LASP1: variants seen among roughly 807,000 people sequenced by gnomAD.
LASP1 encodes the protein LIM and SH3 domain protein 1.
Under a neutral mutation model 38.6 loss-of-function variants are expected in LASP1, and 10 were observed. That is an observed-to-expected ratio of 0.26 (90% CI 0.16 to 0.44). The LOEUF is 0.44. Ranked by LOEUF, LASP1 falls within the 20% of genes least tolerant of loss-of-function variation. LASP1 has a pLI of 1.00. For synonymous variants in LASP1, 132 were observed against 140.8 expected (o/e 0.94, Z 0.44); for missense variants, 243 against 375.7 (o/e 0.65, Z 2.92).
intron 4 of LASP1, chr17:38,898,775 C>G (rs1438977742): frequency 1.8e-6 from 1 of 561,550 alleles, no homozygotes; most frequent in South Asian, 1.5e-5. Flanking sequence ...AAATCAGCCC[C>G]CACTCTCTCT....
intron 4 of LASP1, among the ~76,000 whole-genome samples, chr17:38,911,075 G>A (rs550685335): frequency 1.3e-5 from 2 of 152,274 alleles, no homozygotes; most frequent in Non-Finnish European, 2.9e-5. Context: ...ATCCTGGTCT[G>A]TTCTCTTCAG....
At position 38,915,138 on chromosome 17, in the gene LASP1, G is replaced by C. The variant is rs757228800; in HGVS notation, c.604G>C (p.Gly202Arg). Residue 202 changes from glycine to arginine, a missense_variant, in exon 6 of 7, where the codon GGT (glycine) becomes CGT (arginine). Physicochemically the swap from Gly to Arg is moderately radical, Grantham distance 125. Around this residue, in one of 4 missense-constraint regions of LASP1, gnomAD observed 165 missense variants for 210.3 expected, o/e 0.78. Coordinates refer to ENST00000318008, the MANE Select transcript of LASP1 (RefSeq NM_006148.4). ...CTCCATACAGCGCAGCGCCCCAGGT[G>C]GTGGCGGGGTGAGTAACCCTGGCCG... ...PVSIQRSAPG[G>R]GGKRYRAVYD... 8 of 1,613,782 alleles carry C rather than the reference G, an allele frequency of 5.0e-6. No homozygotes were observed. In the Admixed American group the frequency reaches 1.0e-4, roughly 20 times the overall value.
chr17:38,905,073 G>T (rs535072865), intron 4 of LASP1, among the ~76,000 whole-genome samples: 2 of 152,184 alleles, frequency 1.3e-5, no homozygotes, highest in African/African-American at 4.8e-5. Flanking sequence ...TGTAGCGGTA[G>T]TACATCCTTT....
Position 38,919,990 on chromosome 17 carries a change from C to T in LASP1, c.*1212C>T. The stretch of plus-strand genomic sequence containing the variant: ...TCTTCCCCTGAGAGTTTCCTCAGAA[C>T]CCACAGTGAGAGGGGAGGGCTCCTG... On this transcript the variant is annotated 3_prime_UTR_variant, in exon 7 of 7. Transcript: ENST00000318008. 1 of 535,084 alleles carries T rather than the reference C, an allele frequency of 1.9e-6. No individual in the cohort carries two copies. The highest frequency in any genetic ancestry group is 3.6e-6 in the Non-Finnish European group (1 of 276,770). The allele number at this position is 535,084 out of a possible 1,614,324, so 33.1% of individuals were successfully genotyped here.
At position 38,889,752 on chromosome 17, in the gene LASP1, C is replaced by T. The variant is rs180690044; in HGVS notation, c.165-668C>T. 2.0e-5 allele frequency among the ~76,000 whole-genome samples: 3 copies of T among 152,296 alleles called. No individual in the cohort carries two copies. The East Asian group carries it at 5.8e-4, about 29-fold the overall frequency. ...ATCCAAAATCTGAAACACGTCTGGTCCTGAGCATTTCCAATAAGGGATACT... is the reference window on the plus strand; with the variant it reads ...ATCCAAAATCTGAAACACGTCTGGTTCTGAGCATTTCCAATAAGGGATACT... On this transcript the variant is annotated intron_variant, in intron 2 of 6. Coordinates refer to ENST00000318008, the MANE Select transcript of LASP1 (RefSeq NM_006148.4).
chr17:38,879,161 CTTTTT>C lies in LASP1; in HGVS notation c.164+993_164+997del, dbSNP rs55952948. On this transcript the variant is annotated intron_variant, in intron 2 of 6. Transcript: ENST00000318008. ...GATAATTTCTTTTTCTTTTAATTTGCTTTTTTTTTTTTTTTTGAGTCAGAGGACTC... is the reference window on the plus strand; with the variant it reads ...GATAATTTCTTTTTCTTTTAATTTGCTTTTTTTTTTTGAGTCAGAGGACTC... Among the ~76,000 whole-genome samples, 50 of 123,686 alleles carry C rather than the reference CTTTTT, an allele frequency of 4.0e-4. No individual in the cohort carries two copies. The East Asian group carries it at 9.0e-3, about 22-fold the overall frequency. The allele number at this position is 123,686 out of a possible 152,430, so 81.1% of individuals were successfully genotyped here. A position where few individuals can be genotyped will look rare whatever the true frequency, so the allele number is the denominator to read the frequency against.
chr17:38,910,733 C>CTTTTT (rs10526728), intron 4 of LASP1, among the ~76,000 whole-genome samples: 1 of 135,476 alleles, frequency 7.4e-6, no homozygotes, highest in African/African-American at 2.9e-5. Context: ...CTGGAGTCCA[C>CTTTTT]TTTTTTTTAA....
At chr17:38,892,995 GTA>G (rs1166254478) in intron 3 of LASP1, among the ~76,000 whole-genome samples, 52 of 133,784 alleles carry the variant, frequency 3.9e-4, no homozygotes, top group African/African-American at 1.0e-3. Context: ...ATGCACGCGT[GTA>G]TGTGTGTGTG....
At chr17:38,886,791 C>T (rs528065478) in intron 2 of LASP1, among the ~76,000 whole-genome samples, 268 of 152,182 alleles carry the variant, frequency 1.8e-3, no homozygotes, top group Admixed American at 2.9e-3. Flanking sequence ...ATATATTCAT[C>T]GTGTGTGAGG....
intron 2 of LASP1, among the ~76,000 whole-genome samples, chr17:38,886,944 A>G (rs1230494280): frequency 1.3e-5 from 2 of 152,194 alleles, no homozygotes; most frequent in African/African-American, 4.8e-5. Context: ...TCTGTAGCTC[A>G]GGCTGGTCTC....
rs1268675147 is a variant in LASP1, at chr17:38,881,707, G to A, written c.164+3527G>A. Among the ~76,000 whole-genome samples, 6 of 152,218 alleles carry A rather than the reference G, an allele frequency of 3.9e-5. No homozygotes were observed. In the East Asian group the frequency reaches 7.7e-4, roughly 20 times the overall value. On this transcript the variant is annotated intron_variant, in intron 2 of 6. Coordinates refer to ENST00000318008, the MANE Select transcript of LASP1 (RefSeq NM_006148.4). ...CCCAGTGCAGGACCCGTAGGGGCAC[G>A]TGGTTTCTTCTGGCACTTTGCCAGG...
rs769364894 is a variant in LASP1 at position 38,870,189 on chromosome 17, C to T, written c.-1C>T. On this transcript the variant is annotated 5_prime_UTR_variant, in exon 1 of 7. Coordinates refer to ENST00000318008, the MANE Select transcript of LASP1 (RefSeq NM_006148.4). ...TCCCCGCCCCAGCTTTTCTCGGAAC[C>T]ATGAACCCCAACTGCGCCCGGTGCG... 1.2e-6 allele frequency: 2 copies of T among 1,613,688 alleles called. No homozygotes were observed. Among genetic ancestry groups the T allele is most frequent in the Non-Finnish European group, 8.5e-7 (1 of 1,179,850 alleles).
chr17:38,912,880 G>A (rs1914996011), intron 4 of LASP1, among the ~76,000 whole-genome samples: 1 of 152,194 alleles, frequency 6.6e-6, no homozygotes, highest in African/African-American at 2.4e-5. Context: ...TTGACCCTGA[G>A]GTTTCTTTCT....
Position 38,918,769 on chromosome 17 carries a change from G to A in LASP1, c.777G>A (p.Glu259=). The change falls in exon 7 of 7, where the codon GAG becomes GAA. Residue 259 remains glutamate (E), a synonymous_variant. Coordinates refer to ENST00000318008, the MANE Select transcript of LASP1 (RefSeq NM_006148.4). This position sits in a 1 kb window ranked among gnomAD's most constrained non-coding sequence, Gnocchi z 4.4. ...GGATGCTGCCGGCCAACTACGTGGAGGCCATCTGAACCCGCAGCGCCCCCA... is the reference window on the plus strand; with the variant it reads ...GGATGCTGCCGGCCAACTACGTGGAAGCCATCTGAACCCGCAGCGCCCCCA... ...DTGMLPANYV[E]AI 6.2e-7 allele frequency: 1 copy of A among 1,613,786 alleles called. No individual in the cohort carries two copies. The highest frequency in any genetic ancestry group is 8.5e-7 in the Non-Finnish European group (1 of 1,180,006).
In LASP1 at chr17:38,918,972, C is replaced by T. The variant is rs1244387544; in HGVS notation, c.*194C>T. 2 of 639,686 alleles carry T rather than the reference C, an allele frequency of 3.1e-6. No individual in the cohort carries two copies. Among genetic ancestry groups the T allele is most frequent in the Admixed American group, 5.9e-5 (2 of 34,008 alleles). The allele number at this position is 639,686 out of a possible 1,614,324, so 39.6% of individuals were successfully genotyped here. A position where few individuals can be genotyped will look rare whatever the true frequency, so the allele number is the denominator to read the frequency against. On this transcript the variant is annotated 3_prime_UTR_variant, in exon 7 of 7. Transcript: ENST00000318008. The surrounding 1 kb of genome is among the most constrained non-coding windows in gnomAD (Gnocchi z 4.4). ...GCGGGCTCCCTCCTCTGGCAGGCTT[C>T]CCCCTTGATCGACTTCTTGGTTTTC... is the stretch of plus-strand genomic sequence containing the variant.
chr17:38,920,992 G>A lies in LASP1; in HGVS notation c.*2214G>A, dbSNP rs186124653. ...TCACTCAGCTTAATTCTCCTTCCCA[G>A]ATAAGGCAAGCCAGTCATGGAATCT... On this transcript the variant is annotated 3_prime_UTR_variant, in exon 7 of 7. Transcript: ENST00000318008. 1.3e-5 allele frequency: 3 copies of A among 232,410 alleles called. No individual in the cohort carries two copies. The highest frequency in any genetic ancestry group is 2.6e-5 in the Non-Finnish European group (3 of 117,298). The allele number at this position is 232,410 out of a possible 1,614,324, so 14.4% of individuals were successfully genotyped here.
chr17:38,891,086 T>G (rs1314173234), intron 3 of LASP1, among the ~76,000 whole-genome samples: 1 of 151,920 alleles, frequency 6.6e-6, no homozygotes, highest in Non-Finnish European at 1.5e-5. Flanking sequence ...AACTTGGTCT[T>G]TAGGGGACAC....
At chr17:38,888,267 T>C (rs1019238959) in intron 2 of LASP1, among the ~76,000 whole-genome samples, 1 of 151,692 alleles carries the variant, frequency 6.6e-6, no homozygotes, top group Non-Finnish European at 1.5e-5. Context: ...CTGCACCAGC[T>C]TCAATTCCTG....
chr17:38,907,260 C>T (rs966190982), intron 4 of LASP1, among the ~76,000 whole-genome samples: 2 of 152,148 alleles, frequency 1.3e-5, no homozygotes, highest in Non-Finnish European at 2.9e-5. Context: ...CCGCTCTGTG[C>T]CGCCTGTCCT....
Sources: gnomAD v4.1 joint callset for allele counts (sites outside exome capture counted in the v4.1 genomes callset) on GRCh38, gnomAD v4.1.1 for gene constraint, gnomAD v4.1.1 regional missense constraint, Gnocchi (gnomAD v3.1) non-coding constraint, MANE v1.5 for transcripts, NCBI Gene and HGNC (gene_info 2026-07-23, HGNC 2026-07-21) for gene names.